Variants in HDGF observed in about 807,000 individuals in gnomAD.
The protein encoded by HDGF is heparin binding growth factor.
Under a neutral mutation model 30.0 loss-of-function variants are expected in HDGF, and 5 were observed. The observed-to-expected ratio is 0.17, with a 90% CI of 0.09 to 0.35. The LOEUF (loss-of-function observed/expected upper bound fraction) is 0.35. HDGF is among the 10% of genes least tolerant of loss of function. The probability of loss-of-function intolerance (pLI) is 1.00; values close to 1 mark genes in which losing one functional copy is unlikely to be tolerated. For synonymous variants in HDGF, 133 were observed against 112.7 expected (o/e 1.18, Z -1.14); for missense variants, 214 against 302.8 (o/e 0.71, Z 2.18).
intron 1 of HDGF, among the ~76,000 whole-genome samples, chr1:156,759,496 T>G (rs1236612967): frequency 2.0e-5 from 3 of 150,832 alleles, no homozygotes; most frequent in Non-Finnish European, 3.0e-5. Context: ...TTTTTTTTTT[T>G]TTTGAGATGG....
chr1:156,744,371 T>G, intron 3 of HDGF, 23 bp from the exon 4 acceptor site: 1 of 1,612,942 alleles, frequency 6.2e-7, no homozygotes, highest in Non-Finnish European at 8.5e-7. Flanking sequence ...CAGCACAGGC[T>G]GAGTGGCACC....
chr1:156,749,556 C>T (rs1650825194), intron 1 of HDGF, among the ~76,000 whole-genome samples: 1 of 152,186 alleles, frequency 6.6e-6, no homozygotes, highest in Non-Finnish European at 1.5e-5. Context: ...TCTAAAAGGT[C>T]CAGGCCTCAA....
chr1:156,762,896 C>A (rs532589777), intron 1 of HDGF, among the ~76,000 whole-genome samples: 8 of 151,326 alleles, frequency 5.3e-5, no homozygotes, highest in Non-Finnish European at 8.9e-5. Context: ...CAAAAAAAAA[C>A]TTTCCATCAG....
chr1:156,758,720 G>A (rs1218067550), intron 2 of HDGF, among the ~76,000 whole-genome samples: 2 of 152,146 alleles, frequency 1.3e-5, no homozygotes, highest in Admixed American at 6.5e-5. Context: ...AGAGGTTGCA[G>A]TGAGCTGAGA....
At chr1:156,749,480 A>T (rs548466028) in intron 1 of HDGF, among the ~76,000 whole-genome samples, 1 of 152,304 alleles carries the variant, frequency 6.6e-6, no homozygotes, top group East Asian at 1.9e-4. Context: ...AGCCAGAGAC[A>T]GGCAAAGTGT....
chr1:156,746,235 C>T (rs1333800588), intron 1 of HDGF, among the ~76,000 whole-genome samples: 4 of 152,244 alleles, frequency 2.6e-5, no homozygotes, highest in Admixed American at 2.0e-4. Flanking sequence ...TCTATGTGCA[C>T]TATCTGGACT....
At chr1:156,752,145 A>G (rs1480281236), upstream of HDGF, 11 of 1,551,608 alleles carry the variant, frequency 7.1e-6, no homozygotes, top group Non-Finnish European at 9.6e-6. Flanking sequence ...GGTTCTTGGC[A>G]GCGTGCTAGG....
At chr1:156,761,692 A>G (rs1448361462) in intron 1 of HDGF, among the ~76,000 whole-genome samples, 4 of 151,902 alleles carry the variant, frequency 2.6e-5, no homozygotes, top group Non-Finnish European at 5.9e-5. Flanking sequence ...TCACGCCTGT[A>G]ATCCCAGCAC....
chr1:156,745,205 C>T lies in HDGF; in HGVS notation c.165-59G>A, dbSNP rs954327131. On this transcript the variant is annotated intron_variant, in intron 2 of 5. Transcript: ENST00000357325. The stretch of plus-strand genomic sequence containing the variant: ...CCTCACTGCCCCTGAGCTGCACAGC[C>T]CGGCATGAAAGGGGCACCAACACCA... The T allele has an allele frequency of 3.1e-6, 5 of 1,611,476 alleles. No homozygotes were observed. The African/African-American group carries it at 5.3e-5, about 17-fold the overall frequency.
chr1:156,751,953 G>C (rs879826652), upstream of HDGF: 6 of 1,294,774 alleles, frequency 4.6e-6, no homozygotes, highest in Admixed American at 9.6e-5. This position sits in a 1 kb window ranked among gnomAD's most constrained non-coding sequence, Gnocchi z 4.7. Flanking sequence ...CCCGCGGTCG[G>C]TGGGTGCCCG....
intron 1 of HDGF, among the ~76,000 whole-genome samples, chr1:156,765,083 GC>G (rs1258146950): frequency 2.0e-5 from 3 of 148,088 alleles, no homozygotes; most frequent in Non-Finnish European, 3.0e-5. Flanking sequence ...CTTTATCCGC[GC>G]CCCCCCCGCC....
chr1:156,752,041 C>A (rs1651020348), upstream of HDGF: 1 of 1,551,100 alleles, frequency 6.4e-7, no homozygotes, highest in South Asian at 1.2e-5. Context: ...CGCTCACCAC[C>A]GCGGCCCCAG....
intron 1 of HDGF, among the ~76,000 whole-genome samples, chr1:156,746,605 G>A (rs1204182731): frequency 2.0e-5 from 3 of 152,216 alleles, no homozygotes; most frequent in South Asian, 2.1e-4. Context: ...GTGAAGGTGA[G>A]AGGTGCAGAA....
chr1:156,751,772 C>A, upstream of HDGF: 1 of 1,053,586 alleles, frequency 9.5e-7, no homozygotes, highest in Non-Finnish European at 1.2e-6. The surrounding 1 kb of genome is among the most constrained non-coding windows in gnomAD (Gnocchi z 4.7). Context: ...CACTCCTCCT[C>A]CTCCCCCCGC....
intron 1 of HDGF, among the ~76,000 whole-genome samples, chr1:156,750,083 G>C (rs896396824): frequency 6.6e-6 from 1 of 152,188 alleles, no homozygotes; most frequent in African/African-American, 2.4e-5. Flanking sequence ...GCACACTCCT[G>C]AGGAGTGGGT....
intron 2 of HDGF, among the ~76,000 whole-genome samples, chr1:156,758,298 A>AAAAAAAAAAAAAATAAATAAAT (rs1651184729): frequency 6.7e-6 from 1 of 149,332 alleles, no homozygotes; most frequent in African/African-American, 2.5e-5. Flanking sequence ...ACTCCATCTC[A>AAAAAAAAAAAAAATAAATAAAT]AAAAATAAAT....
upstream of HDGF, chr1:156,752,090 G>T: frequency 6.4e-7 from 1 of 1,551,500 alleles, no homozygotes; most frequent in Non-Finnish European, 8.7e-7. Flanking sequence ...GTTTCCGCCT[G>T]CCCTCTGCTC....
Position 156,743,350 on chromosome 1 carries a change from G to A in HDGF, c.*99C>T. The A allele has an allele frequency of 4.7e-6, 6 of 1,268,538 alleles. No individual in the cohort carries two copies. In the Admixed American group the frequency reaches 1.2e-4, roughly 26 times the overall value. 78.6% of individuals were successfully genotyped at this position (1,268,538 alleles called of 1,614,324 possible). On this transcript the variant is annotated 3_prime_UTR_variant, in exon 6 of 6. Transcript: ENST00000357325. ...GTAGAAGAGGAGAGCAGGTTGGGGT[G>A]GGAAAGGGGTTCCCAGTTTGCAGGC... is the stretch of plus-strand genomic sequence containing the variant.
At chr1:156,752,687 C>A (rs1455566514), upstream of HDGF, among the ~76,000 whole-genome samples, 1 of 152,158 alleles carries the variant, frequency 6.6e-6, no homozygotes, top group Non-Finnish European at 1.5e-5. Flanking sequence ...CAGGTCTCTT[C>A]CATTAAGCTA....
Sources: allele counts gnomAD v4.1 joint callset (sites outside exome capture counted in the v4.1 genomes callset), GRCh38; gene constraint gnomAD v4.1.1; non-coding constraint Gnocchi (gnomAD v3.1); transcripts MANE v1.5; gene names NCBI Gene and HGNC (gene_info 2026-07-23, HGNC 2026-07-21).